SPP2: variants seen among roughly 807,000 people sequenced by gnomAD.
SPP2 encodes the protein secreted phosphoprotein 24.
SPP2 carries 34 observed loss-of-function variants against 28.8 expected under a neutral mutation model. The observed-to-expected ratio is 1.18, with a 90% CI of 0.90 to 1.57. The LOEUF is 1.57. Ranked by LOEUF, SPP2 falls within the 40% of genes most tolerant of loss-of-function variation. The pLI is 0.00. For missense variants in SPP2, 269 were observed against 263.9 expected, an observed-to-expected ratio of 1.02 and a Z score of -0.13; for synonymous variants, 96 against 89.4, an observed-to-expected ratio of 1.07 and a Z score of -0.42.
rs1693695066 is a variant in SPP2, at chr2:234,060,417, C to T, written c.382C>T (p.Gln128Ter). 1.9e-6 allele frequency: 3 copies of T among 1,613,864 alleles called. No individual in the cohort carries two copies. In the East Asian group the frequency reaches 6.7e-5, roughly 36 times the overall value. The change falls in exon 4 of 8, where the codon CAG (glutamine) becomes TAG (stop). Residue 128 changes from glutamine to a stop codon, truncating the protein, a stop_gained. Coordinates refer to ENST00000168148, the MANE Select transcript of SPP2 (RefSeq NM_006944.3). LOFTEE classifies it high-confidence loss of function. Reference protein sequence around the residue: ...STVKVSAQQVQGVHARCSWSS... With the variant: ...STVKVSAQQV ...CGTGAAGGTATCTGCCCAGCAGGTG[C>T]AGGGCGTGCATGCTCGCTGCAGCTG... is the stretch of plus-strand genomic sequence containing the variant.
intron 2 of SPP2, among the ~76,000 whole-genome samples, chr2:234,054,357 A>G (rs1276324657): frequency 2.0e-5 from 3 of 152,216 alleles, no homozygotes; most frequent in African/African-American, 7.2e-5. Flanking sequence ...CCCTAGGGAC[A>G]TGTGCATTTG....
intron 6 of SPP2, among the ~76,000 whole-genome samples, chr2:234,069,143 TC>T (rs2125469130): frequency 6.6e-6 from 1 of 152,118 alleles, no homozygotes; most frequent in Admixed American, 6.5e-5. Context: ...CTTCTGAATG[TC>T]CTCAAATCAT....
chr2:234,050,903 T>G, intron 1 of SPP2, 32 bp downstream of exon 1: 1 of 1,614,072 alleles, frequency 6.2e-7, no homozygotes, highest in Middle Eastern at 1.7e-4. Context: ...CCACCTGCTC[T>G]GGATCATGCA....
intron 4 of SPP2, among the ~76,000 whole-genome samples, chr2:234,064,526 A>T (rs1377931776): frequency 6.6e-6 from 1 of 152,094 alleles, no homozygotes; most frequent in Admixed American, 6.5e-5. Flanking sequence ...ACTTGTGTAC[A>T]ATGTGATGTT....
At position 234,059,368 on chromosome 2, in the gene SPP2, T is replaced by C. The variant is rs574659021; in HGVS notation, c.333+410T>C. Among the ~76,000 whole-genome samples the C allele has an allele frequency of 3.3e-5, 5 of 152,298 alleles. No individual in the cohort carries two copies. The South Asian group carries it at 6.2e-4, about 19-fold the overall frequency. On this transcript the variant is annotated intron_variant, in intron 3 of 7. Transcript: ENST00000168148. ...GTTGAATGACATCTGTCTTCCCCAC[T>C]AGTTCAGGCTCAGTGAGATCAGGAA...
chr2:234,073,946 A>G (rs1441260820), intron 7 of SPP2, among the ~76,000 whole-genome samples: 1 of 152,218 alleles, frequency 6.6e-6, no homozygotes, highest in Non-Finnish European at 1.5e-5. Context: ...CTCTGTGCCC[A>G]TGAATATTAC....
intron 7 of SPP2, among the ~76,000 whole-genome samples, chr2:234,074,204 G>A (rs1196306465): frequency 1.3e-5 from 2 of 152,108 alleles, no homozygotes; most frequent in African/African-American, 4.8e-5. Context: ...AAAATAGTAT[G>A]AGAGGGCAAA....
At chr2:234,061,246 G>C (rs1693714034) in intron 4 of SPP2, among the ~76,000 whole-genome samples, 1 of 152,008 alleles carries the variant, frequency 6.6e-6, no homozygotes, top group Non-Finnish European at 1.5e-5. Context: ...TTCCATACTA[G>C]ACTGTATGTC....
Position 234,069,928 on chromosome 2 carries a change from G to A in SPP2, c.551G>A (p.Gly184Glu), listed in dbSNP as rs777609841. The A allele has an allele frequency of 3.8e-5, 61 of 1,611,572 alleles. No homozygotes were observed. Among genetic ancestry groups the A allele is most frequent in the Non-Finnish European group, 5.1e-5 (60 of 1,178,112 alleles). Residue 184 changes from glycine (G) to glutamate (E), a missense_variant and splice_region_variant, in exon 7 of 8, where the codon GGG (glycine) becomes GAG (glutamate). Gly to Glu is a moderately conservative substitution (Grantham distance 98). Coordinates refer to ENST00000168148, the MANE Select transcript of SPP2 (RefSeq NM_006944.3). ...CTATGCTTCCCTTTTCTATCTTTAG[G>A]GATCATGAGAAGGGTATTGCCTCCT... ...ISEQFYDRSL[G>E]IMRRVLPPGN...
In SPP2 at chr2:234,051,003, T is replaced by A. The variant is rs1176491507; in HGVS notation, c.118T>A (p.Leu40Ile). 1.2e-6 allele frequency: 2 copies of A among 1,613,894 alleles called. No individual in the cohort carries two copies. Among genetic ancestry groups the A allele is most frequent in the African/African-American group, 1.3e-5 (1 of 74,916 alleles). Residue 40 changes from leucine (L) to isoleucine (I), a missense_variant, in exon 2 of 8, where the codon TTA becomes ATA. By Grantham distance (5) the Leu-to-Ile change is conservative. Transcript: ENST00000168148. ...AGTGTACGACTACGATCCATCCTCC[T>A]TAAGGGATGCCCTCAGTGCCTCTGT... ...FPVYDYDPSS[L>I]RDALSASVVK... is the part of the protein sequence containing the mutation.
At chr2:234,069,595 G>A (rs575930729) in intron 6 of SPP2, among the ~76,000 whole-genome samples, 1 of 152,178 alleles carries the variant, frequency 6.6e-6, no homozygotes, top group Non-Finnish European at 1.5e-5. Flanking sequence ...CAATAAATGT[G>A]TGTGACAAAC....
At chr2:234,066,012 A>G (rs1192566003) in intron 4 of SPP2, among the ~76,000 whole-genome samples, 1 of 152,168 alleles carries the variant, frequency 6.6e-6, no homozygotes, top group Non-Finnish European at 1.5e-5. Flanking sequence ...ACTGTGATGG[A>G]GGCCAAGAAA....
chr2:234,070,523 A>G (rs1690742518), intron 7 of SPP2, among the ~76,000 whole-genome samples: 1 of 152,186 alleles, frequency 6.6e-6, no homozygotes, highest in South Asian at 2.1e-4. Context: ...ATGCAATGGC[A>G]TGATCTTGGC....
rs2125470112 is a variant in SPP2, at chr2:234,069,919, T to C, written c.551-9T>C. On this transcript the variant is annotated splice_polypyrimidine_tract_variant and intron_variant, in intron 6 of 7. Coordinates refer to ENST00000168148, the MANE Select transcript of SPP2 (RefSeq NM_006944.3). ...TGACAGAGCCTATGCTTCCCTTTTCTATCTTTAGGGATCATGAGAAGGGTA... is the reference window on the plus strand; with the variant it reads ...TGACAGAGCCTATGCTTCCCTTTTCCATCTTTAGGGATCATGAGAAGGGTA... 3 of 1,609,062 alleles carry C rather than the reference T, an allele frequency of 1.9e-6. No homozygotes were observed. The highest frequency in any genetic ancestry group is 2.6e-6 in the Non-Finnish European group (3 of 1,175,746).
intron 7 of SPP2, among the ~76,000 whole-genome samples, chr2:234,076,216 G>GCGTGCTGCTTCTGT (rs1690890699): frequency 6.6e-6 from 1 of 152,034 alleles, no homozygotes; most frequent in African/African-American, 2.4e-5. Context: ...CCCCAGCCTT[G>GCGTGCTGCTTCTGT]AGTGCTGCTT....
Position 234,076,954 on chromosome 2 carries a change from C to T in SPP2, c.*120C>T, listed in dbSNP as rs1690909238. 6.6e-6 allele frequency: 1 copy of T among 152,094 alleles called. No individual in the cohort carries two copies. Among genetic ancestry groups the T allele is most frequent in the Non-Finnish European group, 1.5e-5 (1 of 68,046 alleles). 9.4% of individuals were successfully genotyped at this position (152,094 alleles called of 1,614,324 possible). On this transcript the variant is annotated 3_prime_UTR_variant, in exon 8 of 8. Coordinates refer to ENST00000168148, the MANE Select transcript of SPP2 (RefSeq NM_006944.3). ...AATAATTCCCAGGAGTCCTGGGTCCCTGGCCTCCAAAGCTGGAATGTGAAC... is the reference window on the plus strand; with the variant it reads ...AATAATTCCCAGGAGTCCTGGGTCCTTGGCCTCCAAAGCTGGAATGTGAAC...
intron 2 of SPP2, among the ~76,000 whole-genome samples, chr2:234,054,901 C>A (rs1693575601): frequency 1.3e-5 from 2 of 152,246 alleles, no homozygotes; most frequent in Middle Eastern, 3.4e-3. Context: ...GTTTTGGGAT[C>A]CTTGAGGTCT....
chr2:234,074,113 G>T (rs1248144665), intron 7 of SPP2, among the ~76,000 whole-genome samples: 9 of 152,130 alleles, frequency 5.9e-5, no homozygotes, highest in Non-Finnish European at 1.0e-4. Flanking sequence ...TGTTGGGATT[G>T]GAATTGAACT....
At chr2:234,072,861 T>C (rs1690823309) in intron 7 of SPP2, among the ~76,000 whole-genome samples, 3 of 152,214 alleles carry the variant, frequency 2.0e-5, no homozygotes, top group Admixed American at 2.0e-4. Flanking sequence ...TATTACTTTT[T>C]GCTTTTTCTT....
Sources: gnomAD v4.1 joint callset for allele counts (sites outside exome capture counted in the v4.1 genomes callset) on GRCh38, gnomAD v4.1.1 for gene constraint, MANE v1.5 for transcripts, NCBI Gene and HGNC (gene_info 2026-07-23, HGNC 2026-07-21) for gene names.